The following STEAP3 variants were observed in gnomAD, a reference collection of about 807,000 sequenced individuals.
STEAP3 encodes the protein metalloreductase STEAP3.
A neutral mutation model predicts 34.9 loss-of-function variants in STEAP3; 35 were observed. The observed-to-expected ratio is 1.00, with a 90% CI of 0.76 to 1.33. STEAP3 has a LOEUF of 1.33. STEAP3 is among the 40% of genes most tolerant of loss of function. The probability of loss-of-function intolerance (pLI) is 0.00; values close to 1 mark genes in which losing one functional copy is unlikely to be tolerated. For synonymous variants in STEAP3, 281 were observed against 301.6 expected (o/e 0.93, Z 0.71); for missense variants, 652 against 667.6 (o/e 0.98, Z 0.26).
At position 119,254,685 on chromosome 2, in the gene STEAP3, T is replaced by G. The variant is rs1172221121; in HGVS notation, c.1052T>G (p.Val351Gly). 6.2e-7 allele frequency: 1 copy of G among 1,613,984 alleles called. No individual in the cohort carries two copies. Among genetic ancestry groups the G allele is most frequent in the South Asian group, 1.1e-5 (1 of 91,070 alleles). ...TGGTTTTCCTTCCATCCATGTCAGG[T>G]CTTGGCCAACAAGAGCCACCTCTGG... ...YDLVNLAVKQ[V>G]LANKSHLWVE... is the part of the protein sequence containing the mutation. Residue 351 changes from valine to glycine, a missense_variant and splice_region_variant, in exon 5 of 6, where the codon GTC becomes GGC. By Grantham distance (109) the Val-to-Gly change is moderately radical. Transcript: ENST00000393110.
rs1676904236 is a variant in STEAP3 at position 119,230,810 on chromosome 2, A to T, written c.-203A>T. ...AAGCATCAGTCACCACTCCCGGTCC[A>T]GCCCCTGTGGCCAAGAGCTGGCGTG... is the stretch of plus-strand genomic sequence containing the variant. On this transcript the variant is annotated 5_prime_UTR_variant, in exon 2 of 6. Transcript: ENST00000393110. 4.6e-6 allele frequency: 3 copies of T among 658,482 alleles called. No individual in the cohort carries two copies. Among genetic ancestry groups the T allele is most frequent in the Admixed American group, 4.5e-5 (2 of 44,574 alleles). 40.8% of individuals were successfully genotyped at this position (658,482 alleles called of 1,614,324 possible). A position where few individuals can be genotyped will look rare whatever the true frequency, so the allele number is the denominator to read the frequency against.
At chr2:119,234,855 C>T (rs1019939814) in intron 2 of STEAP3, among the ~76,000 whole-genome samples, 5 of 152,206 alleles carry the variant, frequency 3.3e-5, no homozygotes, top group African/African-American at 1.2e-4. Context: ...GGCCTTGGTG[C>T]TGACTGTTGG....
At chr2:119,254,574 G>A (rs575051970) in intron 4 of STEAP3, 110 bp from the exon 5 acceptor site, 87 of 1,215,492 alleles carry the variant, frequency 7.2e-5, no homozygotes, top group Non-Finnish European at 9.4e-5. Flanking sequence ...GGTAGCGTCA[G>A]GTGCAGTGTG....
chr2:119,243,604 T>C (rs1214815635), intron 2 of STEAP3, among the ~76,000 whole-genome samples: 1 of 152,202 alleles, frequency 6.6e-6, no homozygotes, highest in African/African-American at 2.4e-5. Flanking sequence ...AATGGGTGTA[T>C]GGTAGGCATC....
intron 4 of STEAP3, among the ~76,000 whole-genome samples, chr2:119,251,159 A>C (rs734845): frequency 0.14 from 20,690 of 151,762 alleles, 1,924 homozygotes; most frequent in African/African-American, 0.26. Context: ...AACAGCAGGG[A>C]CTCCTGGGTG....
intron 2 of STEAP3, among the ~76,000 whole-genome samples, chr2:119,241,247 C>G (rs1258071878): frequency 6.6e-6 from 1 of 152,142 alleles, no homozygotes; most frequent in Admixed American, 6.5e-5. Flanking sequence ...AGCTATGTAA[C>G]TCACCCAAAG....
chr2:119,233,144 G>A (rs1027030166), intron 2 of STEAP3, among the ~76,000 whole-genome samples: 1 of 152,178 alleles, frequency 6.6e-6, no homozygotes, highest in African/African-American at 2.4e-5. Context: ...AATGGGGACT[G>A]GGCAGAACCC....
rs546900400 is a variant in STEAP3, at chr2:119,263,128, C to T, written c.1287C>T (p.Phe429=). The T allele has an allele frequency of 4.3e-6, 7 of 1,613,522 alleles. No homozygotes were observed. The highest frequency in any genetic ancestry group is 4.5e-5 in the East Asian group (2 of 44,872). The change falls in exon 6 of 6, where the codon TTC becomes TTT. Residue 429 remains phenylalanine (F), a synonymous_variant. Transcript: ENST00000393110. ...HTLTYGWTRA[F]EESRYKFYLP... ...TCACCTACGGCTGGACCCGCGCCTT[C>T]GAGGAGAGCCGCTACAAGTTCTACC...
At chr2:119,255,169 T>C (rs1677740520) in intron 5 of STEAP3, among the ~76,000 whole-genome samples, 1 of 152,124 alleles carries the variant, frequency 6.6e-6, no homozygotes, top group Admixed American at 6.5e-5. Context: ...TTGAATGACA[T>C]GAAGTCATTG....
At position 119,264,856 on chromosome 2, in the gene STEAP3, G is replaced by C. The variant is rs898139777; in HGVS notation, c.*1518G>C. 6 of 150,266 alleles carry C rather than the reference G, an allele frequency of 4.0e-5. No homozygotes were observed. The highest frequency in any genetic ancestry group is 7.5e-5 in the African/African-American group (3 of 39,850). 9.3% of individuals were successfully genotyped at this position (150,266 alleles called of 1,614,324 possible). On this transcript the variant is annotated 3_prime_UTR_variant, in exon 6 of 6. Coordinates refer to ENST00000393110, the MANE Select transcript of STEAP3 (RefSeq NM_182915.3). ...AGCTCATGTCTATGCAGCACATAAG[G>C]GTTCTTCAGTGAAAAGCAGGAGAAG...
At chr2:119,225,580 C>A (rs1230150853) in intron 1 of STEAP3, among the ~76,000 whole-genome samples, 1 of 152,258 alleles carries the variant, frequency 6.6e-6, no homozygotes, top group East Asian at 1.9e-4. Context: ...TATCTCCTAT[C>A]CTTGGCCCAC....
chr2:119,224,593 T>C (rs985126275), intron 1 of STEAP3, among the ~76,000 whole-genome samples: 3 of 152,054 alleles, frequency 2.0e-5, no homozygotes, highest in Non-Finnish European at 4.4e-5. Flanking sequence ...CCAGATAATA[T>C]GCGGTTTGGG....
At chr2:119,232,205 C>T (rs1205468929) in intron 2 of STEAP3, among the ~76,000 whole-genome samples, 1 of 152,202 alleles carries the variant, frequency 6.6e-6, no homozygotes, top group East Asian at 1.9e-4. Flanking sequence ...GAGCCACAGA[C>T]CCTCCCCACC....
At position 119,245,778 on chromosome 2, in the gene STEAP3, G is replaced by C. The variant is rs765275501; in HGVS notation, c.312G>C (p.Glu104Asp). The C allele has an allele frequency of 1.1e-5, 18 of 1,614,108 alleles. No homozygotes were observed. The highest frequency in any genetic ancestry group is 6.7e-5 in the African/African-American group (5 of 74,940). The change falls in exon 3 of 6, where the codon GAG (glutamate) becomes GAC (aspartate). Residue 104 changes from glutamate to aspartate, a missense_variant. Transcript: ENST00000393110. ...PEVIFVAVFR[E>D]HYSSLCSLSD... Reference sequence around the variant, plus strand: ...TCATCTTTGTGGCTGTGTTCCGGGAGCACTACTCTTCACTGTGCAGTCTCA... The same window carrying C: ...TCATCTTTGTGGCTGTGTTCCGGGACCACTACTCTTCACTGTGCAGTCTCA...
At chr2:119,232,302 G>A (rs1676966896) in intron 2 of STEAP3, among the ~76,000 whole-genome samples, 1 of 152,184 alleles carries the variant, frequency 6.6e-6, no homozygotes, top group African/African-American at 2.4e-5. Context: ...GCCCAGAGGA[G>A]GACCTTTAAC....
chr2:119,261,087 C>T (rs1360695268), intron 5 of STEAP3, among the ~76,000 whole-genome samples: 2 of 152,186 alleles, frequency 1.3e-5, no homozygotes, highest in Non-Finnish European at 2.9e-5. Context: ...TTCTCCCACA[C>T]CATGTTCTTT....
chr2:119,247,348 C>T (rs977740631), intron 3 of STEAP3, among the ~76,000 whole-genome samples: 1 of 152,222 alleles, frequency 6.6e-6, no homozygotes, highest in African/African-American at 2.4e-5. Context: ...ACAGCCATGT[C>T]GGGGGCCCAT....
chr2:119,227,810 G>T (rs916993946), intron 1 of STEAP3, among the ~76,000 whole-genome samples: 1 of 145,256 alleles, frequency 6.9e-6, no homozygotes, highest in Non-Finnish European at 1.5e-5. Context: ...CCCATTTCTT[G>T]TATTTATTTA....
At chr2:119,245,141 C>G in intron 2 of STEAP3, 1 of 273,450 alleles carries the variant, frequency 3.7e-6, no homozygotes, top group Non-Finnish European at 7.0e-6. Context: ...TTGCCTAATC[C>G]TTTTGAAAAG....
Sources: allele counts gnomAD v4.1 joint callset (sites outside exome capture counted in the v4.1 genomes callset), GRCh38; gene constraint gnomAD v4.1.1; transcripts MANE v1.5; gene names NCBI Gene and HGNC (gene_info 2026-07-23, HGNC 2026-07-21).